The following SLC15A5 variants were observed in gnomAD, a reference collection of about 807,000 sequenced individuals.
The protein encoded by SLC15A5 is solute carrier family 15 member 5, also known as Peptide/histidine transporter ENSP00000340402.
In SLC15A5, 58 loss-of-function variants were observed where a neutral mutation model predicts 56.1. The observed-to-expected ratio is 1.03, with a 90% CI of 0.84 to 1.29. The LOEUF (loss-of-function observed/expected upper bound fraction) is 1.29. Ranked by LOEUF, SLC15A5 falls within the 50% of genes most tolerant of loss-of-function variation. The pLI is 0.00. For missense variants in SLC15A5, 681 were observed against 672.1 expected (o/e 1.01, Z -0.15); for synonymous variants, 264 against 250.5 (o/e 1.05, Z -0.51).
chr12:16,226,700 T>C (rs1016253994), intron 5 of SLC15A5, among the ~76,000 whole-genome samples: 4 of 152,286 alleles, frequency 2.6e-5, no homozygotes, highest in African/African-American at 9.6e-5. Flanking sequence ...CCAACAATTA[T>C]AGTGGTCAAA....
Position 16,257,683 on chromosome 12 carries a change from A to G in SLC15A5, c.754+18T>C. On this transcript the variant is annotated intron_variant, in intron 3 of 8. Coordinates refer to ENST00000344941, the MANE Select transcript of SLC15A5 (RefSeq NM_001170798.1). ...ACAATATAAACCCAGAAATCAATGT[A>G]ACGCATAATTTACTTACGTTTTTCT... is the stretch of plus-strand genomic sequence containing the variant. 1 of 1,427,386 alleles carries G rather than the reference A, an allele frequency of 7.0e-7. No homozygotes were observed. Among genetic ancestry groups the G allele is most frequent in the Non-Finnish European group, 9.1e-7 (1 of 1,094,748 alleles). The allele number at this position is 1,427,386 out of a possible 1,614,324, so 88.4% of individuals were successfully genotyped here. A position where few individuals can be genotyped will look rare whatever the true frequency, so the allele number is the denominator to read the frequency against.
intron 3 of SLC15A5, 40 bp downstream of exon 3, chr12:16,257,661 A>G (rs750342850): frequency 3.0e-6 from 4 of 1,355,756 alleles, no homozygotes; most frequent in South Asian, 3.7e-5. Flanking sequence ...CAAGAAAACA[A>G]TATAAACCCA....
Position 16,272,780 on chromosome 12 carries a change from G to A in SLC15A5, c.365C>T (p.Thr122Ile), listed in dbSNP as rs777850748. The change falls in exon 2 of 9, where the codon ACT (threonine) becomes ATT (isoleucine). Residue 122 changes from threonine (T) to isoleucine (I), a missense_variant. Transcript: ENST00000344941. Reference protein sequence around the residue: ...YICLFLHFLGTALLSVVAFPL... With the variant: ...YICLFLHFLGIALLSVVAFPL... ...AAAAGCCACCACAGATAACAAAGCA[G>A]TGCCTGTAGGTGGAGAAAAAAAAAG... 37 of 1,536,506 alleles carry A rather than the reference G, an allele frequency of 2.4e-5. No homozygotes were observed. Among genetic ancestry groups the A allele is most frequent in the Non-Finnish European group, 3.0e-5 (34 of 1,146,322 alleles).
At chr12:16,201,368 G>T (rs898567758) in intron 7 of SLC15A5, among the ~76,000 whole-genome samples, 22 of 152,094 alleles carry the variant, frequency 1.4e-4, no homozygotes, top group African/African-American at 5.3e-4. Context: ...TATCAAAACA[G>T]CATGGCATAA....
chr12:16,258,915 A>C (rs1306320544), intron 2 of SLC15A5, among the ~76,000 whole-genome samples: 1 of 149,448 alleles, frequency 6.7e-6, no homozygotes, highest in Non-Finnish European at 1.5e-5. Flanking sequence ...TTGTGCCTGC[A>C]CTCAGGGGGA....
intron 3 of SLC15A5, among the ~76,000 whole-genome samples, chr12:16,247,133 G>A (rs1010569889): frequency 6.6e-6 from 1 of 152,112 alleles, no homozygotes; most frequent in African/African-American, 2.4e-5. Flanking sequence ...ACAGTTCAGA[G>A]ACCAGCACTG....
chr12:16,262,907 C>T (rs991868731), intron 2 of SLC15A5, among the ~76,000 whole-genome samples: 1 of 148,260 alleles, frequency 6.7e-6, no homozygotes, highest in African/African-American at 2.5e-5. Context: ...ATTGTGAGGT[C>T]TCTCCAGCCA....
chr12:16,245,112 CTAACTT>C (rs1864450025), intron 3 of SLC15A5, among the ~76,000 whole-genome samples: 1 of 152,182 alleles, frequency 6.6e-6, no homozygotes, highest in Non-Finnish European at 1.5e-5. Context: ...TCAGAAGTCT[CTAACTT>C]TAATGCATTA....
At chr12:16,255,028 G>T (rs752042732) in intron 3 of SLC15A5, among the ~76,000 whole-genome samples, 1 of 152,064 alleles carries the variant, frequency 6.6e-6, no homozygotes, top group African/African-American at 2.4e-5. Context: ...TGTTTGAAAT[G>T]ATGGATCTGC....
intron 5 of SLC15A5, among the ~76,000 whole-genome samples, chr12:16,227,041 T>G (rs1864249268): frequency 1.3e-5 from 2 of 152,148 alleles, no homozygotes; most frequent in African/African-American, 2.4e-5. Context: ...TGATTATATC[T>G]CAGAATTTAA....
chr12:16,239,622 A>C (rs1023199543), intron 5 of SLC15A5, 59 bp downstream of exon 5: 1 of 1,470,156 alleles, frequency 6.8e-7, no homozygotes, highest in African/African-American at 1.4e-5. Flanking sequence ...GGATCTTAGC[A>C]GAATGTTGTT....
chr12:16,245,052 G>A (rs1165034853), intron 3 of SLC15A5, among the ~76,000 whole-genome samples: 2 of 152,096 alleles, frequency 1.3e-5, no homozygotes, highest in Non-Finnish European at 2.9e-5. Flanking sequence ...TATTAAAAGG[G>A]AAAGAAAGGT....
At chr12:16,226,552 G>C (rs1264938685) in intron 5 of SLC15A5, among the ~76,000 whole-genome samples, 2 of 152,036 alleles carry the variant, frequency 1.3e-5, no homozygotes, top group African/African-American at 4.8e-5. Flanking sequence ...TAAACTTAAA[G>C]TATTATTGGT....
intron 5 of SLC15A5, among the ~76,000 whole-genome samples, chr12:16,233,845 A>G (rs1864322666): frequency 6.6e-6 from 1 of 152,194 alleles, no homozygotes; most frequent in Non-Finnish European, 1.5e-5. Flanking sequence ...AGGTCTCTAG[A>G]TGATTCTTAT....
At chr12:16,221,162 G>T (rs1040062936) in intron 6 of SLC15A5, among the ~76,000 whole-genome samples, 1 of 152,094 alleles carries the variant, frequency 6.6e-6, no homozygotes, top group Non-Finnish European at 1.5e-5. Flanking sequence ...TCATTCATTT[G>T]TTTCTTCAAT....
chr12:16,238,357 G>A (rs544882996), intron 5 of SLC15A5, among the ~76,000 whole-genome samples: 1 of 152,238 alleles, frequency 6.6e-6, no homozygotes, highest in Admixed American at 6.5e-5. Flanking sequence ...GCCGGGCGTG[G>A]TGGCTCACAC....
chr12:16,212,746 GC>G (rs1474497328), intron 7 of SLC15A5, among the ~76,000 whole-genome samples: 3 of 152,092 alleles, frequency 2.0e-5, no homozygotes, highest in African/African-American at 7.2e-5. Flanking sequence ...CTAGGAACTT[GC>G]TTACCAAATT....
chr12:16,200,094 C>A (rs908450642), intron 7 of SLC15A5, among the ~76,000 whole-genome samples: 2 of 151,550 alleles, frequency 1.3e-5, no homozygotes, highest in Non-Finnish European at 2.9e-5. Flanking sequence ...GAAAAAGGGT[C>A]AATATGGGTA....
intron 3 of SLC15A5, among the ~76,000 whole-genome samples, chr12:16,247,804 T>C (rs1341563578): frequency 2.6e-5 from 4 of 152,208 alleles, no homozygotes; most frequent in African/African-American, 9.6e-5. Flanking sequence ...ACTTGACGTT[T>C]ATCTACAATA....
Sources: gnomAD v4.1 joint callset for allele counts (sites outside exome capture counted in the v4.1 genomes callset) on GRCh38, gnomAD v4.1.1 for gene constraint, MANE v1.5 for transcripts, NCBI Gene and HGNC (gene_info 2026-07-23, HGNC 2026-07-21) for gene names.